HAUS6: variants seen among roughly 807,000 people sequenced by gnomAD.
HAUS6 encodes HAUS augmin like complex subunit 6, also known as HAUS augmin-like complex subunit 6.
Under a neutral mutation model 106.8 loss-of-function variants are expected in HAUS6, and 80 were observed. The ratio of observed to expected loss-of-function variants is 0.75; its 90% confidence interval spans 0.63 to 0.90. The LOEUF is 0.90. Among genes scored for constraint, HAUS6 ranks in the 40% least tolerant of loss-of-function variants. The pLI is 0.00. For missense variants in HAUS6, 1,155 were observed against 1,118.1 expected (o/e 1.03, Z -0.47); for synonymous variants, 356 against 379.1 (o/e 0.94, Z 0.71).
chr9:19,083,135 C>T, intron 7 of HAUS6, 92 bp from the exon 8 acceptor site: 2 of 595,346 alleles, frequency 3.4e-6, no homozygotes, highest in African/African-American at 1.9e-5. Flanking sequence ...TAACAAATTT[C>T]CTAGAATGAT....
intron 9 of HAUS6, among the ~76,000 whole-genome samples, chr9:19,078,506 G>A (rs1837061304): frequency 6.6e-6 from 1 of 152,134 alleles, no homozygotes; most frequent in Non-Finnish European, 1.5e-5. Flanking sequence ...CCATAAAGAA[G>A]GCCGGGGGCA....
Position 19,086,770 on chromosome 9 carries a change from A to G in HAUS6, c.663T>C (p.Tyr221=). ...LENQIKKMEP[Y]DDHSNMEEKI... ...TTTCTTCCATATTACTGTGGTCATC[A>G]TAGGGTTCCATTCTAATAAAAATTA... is the stretch of plus-strand genomic sequence containing the variant. Residue 221 remains tyrosine, a synonymous_variant, in exon 7 of 17, where the codon TAT becomes TAC. Transcript: ENST00000380502. 2 of 1,188,584 alleles carry G rather than the reference A, an allele frequency of 1.7e-6. No homozygotes were observed. Among genetic ancestry groups the G allele is most frequent in the Non-Finnish European group, 2.5e-6 (2 of 809,002 alleles). The allele number at this position is 1,188,584 out of a possible 1,614,324, so 73.6% of individuals were successfully genotyped here.
chr9:19,093,348 T>G, intron 3 of HAUS6, 45 bp from the exon 4 acceptor site: 30 of 1,448,368 alleles, frequency 2.1e-5, no homozygotes, highest in Non-Finnish European at 2.7e-5. Flanking sequence ...TTGTTAACAA[T>G]AACTCTTACA....
chr9:19,066,933 G>A (rs993145692), intron 12 of HAUS6, among the ~76,000 whole-genome samples: 1 of 151,742 alleles, frequency 6.6e-6, no homozygotes, highest in South Asian at 2.1e-4. Flanking sequence ...CTTGAGCCCA[G>A]GAGATCAAGG....
intron 4 of HAUS6, chr9:19,089,764 T>C (rs1383367666): frequency 1.9e-6 from 1 of 539,590 alleles, no homozygotes; most frequent in Non-Finnish European, 3.3e-6. Flanking sequence ...TAAATTAACA[T>C]CACGTAACTA....
At chr9:19,086,353 G>A (rs1478342874) in intron 7 of HAUS6, among the ~76,000 whole-genome samples, 1 of 151,654 alleles carries the variant, frequency 6.6e-6, no homozygotes, top group Admixed American at 6.6e-5. Flanking sequence ...GGGCGCGGTG[G>A]CTCATGCCTG....
chr9:19,082,972 C>T lies in HAUS6; in HGVS notation c.771G>A (p.Ser257=), dbSNP rs1444618527. 28 of 1,570,224 alleles carry T rather than the reference C, an allele frequency of 1.8e-5. No homozygotes were observed. The highest frequency in any genetic ancestry group is 4.6e-5 in the South Asian group (4 of 86,932). The part of the protein sequence containing the change: ...FLEKEREVVS[S]VLSLVNQYAL... ...CATATTGGTTAACAAGACTAAGGACCGAACTAACAACTTCTCTCTCTTTTT... is the reference window on the plus strand; with the variant it reads ...CATATTGGTTAACAAGACTAAGGACTGAACTAACAACTTCTCTCTCTTTTT... Residue 257 remains serine, a synonymous_variant, in exon 8 of 17, where the codon TCG becomes TCA. Transcript: ENST00000380502.
In HAUS6 at chr9:19,056,082, A is replaced by G; in HGVS notation, c.*261T>C. ...TTAATGCTTACAAGATTACTCAAGA[A>G]ATCAAAATGGCTTCCCATTGCTTGA... is the stretch of plus-strand genomic sequence containing the variant. On this transcript the variant is annotated 3_prime_UTR_variant, in exon 17 of 17. Coordinates refer to ENST00000380502, the MANE Select transcript of HAUS6 (RefSeq NM_017645.5). The G allele has an allele frequency of 5.2e-6, 2 of 383,750 alleles. No homozygotes were observed. The highest frequency in any genetic ancestry group is 9.3e-6 in the Non-Finnish European group (2 of 214,450). The allele number at this position is 383,750 out of a possible 1,614,324, so 23.8% of individuals were successfully genotyped here.
rs776381603 is a variant in HAUS6 at position 19,102,608 on chromosome 9, C to G, written c.44G>C (p.Trp15Ser). ...SVTAFEKEHL[W>S]MYLQALGFEP... The stretch of plus-strand genomic sequence containing the variant: ...GAAGCCGAGCGCCTGCAGATACATC[C>G]AGAGATGCTCCTTCTCGAAAGCGGT... The change falls in exon 1 of 17, where the codon TGG (tryptophan) becomes TCG (serine). Residue 15 changes from tryptophan to serine, a missense_variant. By Grantham distance (177) the Trp-to-Ser change is radical. This residue lies in a region of HAUS6 where 761 missense variants were observed against 690.0 expected (regional missense o/e 1.10). Coordinates refer to ENST00000380502, the MANE Select transcript of HAUS6 (RefSeq NM_017645.5). 3.1e-6 allele frequency: 5 copies of G among 1,613,634 alleles called. No homozygotes were observed. Among genetic ancestry groups the G allele is most frequent in the Non-Finnish European group, 4.2e-6 (5 of 1,179,754 alleles).
At chr9:19,077,964 G>C (rs1247206516) in intron 10 of HAUS6, among the ~76,000 whole-genome samples, 2 of 152,112 alleles carry the variant, frequency 1.3e-5, no homozygotes, top group Non-Finnish European at 1.5e-5. Flanking sequence ...AGAAGGCTGA[G>C]GTGGGAGGAT....
intron 12 of HAUS6, among the ~76,000 whole-genome samples, chr9:19,063,967 T>TTTA (rs1396334621): frequency 1.7e-5 from 2 of 114,818 alleles, no homozygotes; most frequent in East Asian, 2.1e-4. Flanking sequence ...GATCCTTTAT[T>TTTA]TTATTTTTTT....
chr9:19,088,976 C>A (rs909220977), intron 5 of HAUS6, among the ~76,000 whole-genome samples: 4 of 152,150 alleles, frequency 2.6e-5, no homozygotes, highest in Non-Finnish European at 5.9e-5. Context: ...GCCACAGTGG[C>A]TCATGTCTGT....
At chr9:19,077,549 A>G (rs1452742211) in intron 10 of HAUS6, among the ~76,000 whole-genome samples, 1 of 152,092 alleles carries the variant, frequency 6.6e-6, no homozygotes, top group African/African-American at 2.4e-5. Context: ...AATAATAATA[A>G]TAATTGTTTT....
chr9:19,099,017 C>CAAAAAAAA (rs377024544), intron 1 of HAUS6, among the ~76,000 whole-genome samples: 10 of 90,650 alleles, frequency 1.1e-4, no homozygotes, highest in Non-Finnish European at 1.6e-4. Flanking sequence ...AACTCCATCT[C>CAAAAAAAA]AAAAAAAAAA....
intron 12 of HAUS6, among the ~76,000 whole-genome samples, chr9:19,068,453 G>C (rs1020101806): frequency 6.6e-6 from 1 of 151,582 alleles, no homozygotes; most frequent in Non-Finnish European, 1.5e-5. Context: ...ACTAAAATAT[G>C]GTTCTTCCAC....
intron 12 of HAUS6, among the ~76,000 whole-genome samples, chr9:19,069,920 A>G (rs1376043335): frequency 6.6e-6 from 1 of 152,066 alleles, no homozygotes; most frequent in African/African-American, 2.4e-5. Context: ...ACCCAGAAAG[A>G]CCACACCTTT....
At chr9:19,076,011 C>G (rs992082339) in intron 11 of HAUS6, among the ~76,000 whole-genome samples, 3 of 148,496 alleles carry the variant, frequency 2.0e-5, no homozygotes, top group Non-Finnish European at 4.4e-5. Flanking sequence ...CAGGGACTAG[C>G]GGGGAAAATG....
At position 19,070,300 on chromosome 9, in the gene HAUS6, T is replaced by C. The variant is rs750017534; in HGVS notation, c.1295A>G (p.Asp432Gly). 6.5e-7 allele frequency: 1 copy of C among 1,539,004 alleles called. No homozygotes were observed. Among genetic ancestry groups the C allele is most frequent in the South Asian group, 1.1e-5 (1 of 88,600 alleles). ...TTCTTGGTTATGTTGCTTATGTGCATCTAAAGAAATTTAAAAATTGGTTAC... is the reference window on the plus strand; with the variant it reads ...TTCTTGGTTATGTTGCTTATGTGCACCTAAAGAAATTTAAAAATTGGTTAC... ...ILCQYPASLP[D>G]AHKQHNQENG... The change falls in exon 12 of 17, where the codon GAT becomes GGT. Residue 432 changes from aspartate (D) to glycine (G), a missense_variant and splice_region_variant. Asp to Gly is a moderately conservative substitution (Grantham distance 94). Transcript: ENST00000380502.
intron 3 of HAUS6, 98 bp downstream of exon 3, chr9:19,094,219 A>T: frequency 1.5e-6 from 1 of 683,094 alleles, no homozygotes; most frequent in African/African-American, 1.8e-5. Flanking sequence ...TACTGATAGC[A>T]TTAAAGCATT....
Sources: gnomAD v4.1 joint callset for allele counts (sites outside exome capture counted in the v4.1 genomes callset) on GRCh38, gnomAD v4.1.1 for gene constraint, gnomAD v4.1.1 regional missense constraint, MANE v1.5 for transcripts, NCBI Gene and HGNC (gene_info 2026-07-23, HGNC 2026-07-21) for gene names.